Variants in LARGE1 observed in about 807,000 individuals in gnomAD.
The protein encoded by LARGE1 is xylosyl- and glucuronyltransferase LARGE1.
LARGE1 carries 43 observed loss-of-function variants against 87.6 expected under a neutral mutation model. The observed-to-expected ratio is 0.49, with a 90% CI of 0.38 to 0.63. The LOEUF (loss-of-function observed/expected upper bound fraction) is 0.63, where lower values mean the gene tolerates loss of function less well. Ranked by LOEUF, LARGE1 falls within the 30% of genes least tolerant of loss-of-function variation. The pLI is 0.00. For missense variants in LARGE1, 802 were observed against 1,000.2 expected, an observed-to-expected ratio of 0.80 and a Z score of 2.67; for synonymous variants, 434 against 394.6, an observed-to-expected ratio of 1.10 and a Z score of -1.18.
intron 7 of LARGE1, among the ~76,000 whole-genome samples, chr22:33,427,672 C>T (rs147770034): frequency 1.3e-5 from 2 of 152,344 alleles, no homozygotes; most frequent in East Asian, 3.9e-4. Context: ...AAGAGTTATT[C>T]AGTTGGGCTA....
intron 7 of LARGE1, among the ~76,000 whole-genome samples, chr22:33,389,198 C>T (rs1354383313): frequency 1.3e-5 from 2 of 152,362 alleles, no homozygotes; most frequent in East Asian, 1.9e-4. Context: ...GTTTCAATAG[C>T]AGGCTTAGGC....
intron 11 of LARGE1, among the ~76,000 whole-genome samples, chr22:33,186,021 T>C (rs190816081): frequency 9.5e-4 from 145 of 152,240 alleles, no homozygotes; most frequent in African/African-American, 3.0e-3. Context: ...ATTCAAGAAC[T>C]CAACTTTAAA....
At chr22:33,153,203 A>T in the LARGE1 span, among the ~76,000 whole-genome samples, 1 of 151,772 alleles carries the variant, frequency 6.6e-6, no homozygotes, top group Non-Finnish European at 1.5e-5. Flanking sequence ...TTTTATTTAA[A>T]TTTTTTTAGG....
chr22:33,115,850 G>A, the LARGE1 span, among the ~76,000 whole-genome samples: 1 of 149,312 alleles, frequency 6.7e-6, no homozygotes, highest in African/African-American at 2.5e-5. Flanking sequence ...TACCAGGGAT[G>A]CACCTATAGA....
intron 2 of LARGE1, among the ~76,000 whole-genome samples, chr22:33,697,118 T>C (rs1227271808): frequency 6.6e-6 from 1 of 152,134 alleles, no homozygotes; most frequent in Non-Finnish European, 1.5e-5. Context: ...AGGTAGAGGA[T>C]GCCCTTGGGC....
downstream of LARGE1, among the ~76,000 whole-genome samples, chr22:33,272,051 C>T (rs56757768): frequency 0.21 from 31,201 of 152,118 alleles, 3,714 homozygotes; most frequent in African/African-American, 0.32. Context: ...TCACCAGCTA[C>T]GCCCATAAAA....
chr22:33,804,633 T>G (rs866611978), intron 1 of LARGE1, among the ~76,000 whole-genome samples: 1 of 152,214 alleles, frequency 6.6e-6, no homozygotes, highest in Non-Finnish European at 1.5e-5. Flanking sequence ...TTTGGGTACC[T>G]TGAACAACCT....
At chr22:33,165,426 T>G (rs1285528407) in exon 12 of LARGE1, 1 of 152,132 alleles carries the variant, frequency 6.6e-6, no homozygotes, top group East Asian at 1.9e-4. Flanking sequence ...TATTAGGAGA[T>G]CTCCCATAGG....
At chr22:33,701,922 G>A (rs12159462) in intron 2 of LARGE1, among the ~76,000 whole-genome samples, 68 of 152,254 alleles carry the variant, frequency 4.5e-4, no homozygotes, top group African/African-American at 1.6e-3. Flanking sequence ...TTTGAGTGTC[G>A]GCCTCTTGTG....
intron 1 of LARGE1, among the ~76,000 whole-genome samples, chr22:33,864,185 G>A (rs1179595792): frequency 4.6e-5 from 7 of 152,172 alleles, no homozygotes; most frequent in African/African-American, 1.2e-4. Flanking sequence ...GACCACTGAT[G>A]ACCATTAAGG....
At chr22:33,089,404 T>C in the LARGE1 span, among the ~76,000 whole-genome samples, 1 of 130,376 alleles carries the variant, frequency 7.7e-6, no homozygotes, top group Middle Eastern at 3.5e-3. Flanking sequence ...TTCTTCTTTC[T>C]TCTTCTTCTA....
At chr22:33,621,825 G>A (rs1052721014) in intron 4 of LARGE1, among the ~76,000 whole-genome samples, 2 of 152,182 alleles carry the variant, frequency 1.3e-5, no homozygotes, top group Non-Finnish European at 2.9e-5. Flanking sequence ...GTGGTCAGTA[G>A]TCATTAAAAT....
intron 7 of LARGE1, among the ~76,000 whole-genome samples, chr22:33,395,984 T>C (rs898882869): frequency 3.9e-5 from 6 of 152,192 alleles, no homozygotes; most frequent in African/African-American, 1.4e-4. Flanking sequence ...TCTAATAGGA[T>C]ATTGCTTGTC....
intron 1 of LARGE1, chr22:33,856,645 T>G (rs1444904182): frequency 6.6e-6 from 1 of 152,228 alleles, no homozygotes; most frequent in African/African-American, 2.4e-5. Flanking sequence ...CGAGGTAGCT[T>G]ACTTCAGCAC....
chr22:33,445,533 G>C (rs1401493856), intron 6 of LARGE1, among the ~76,000 whole-genome samples: 1 of 151,968 alleles, frequency 6.6e-6, no homozygotes, highest in East Asian at 1.9e-4. Context: ...GAGTAAAGTG[G>C]TATCTCAGAA....
intron 1 of LARGE1, among the ~76,000 whole-genome samples, chr22:33,795,872 A>ATAGCAT (rs1327445650): frequency 1.3e-5 from 2 of 152,024 alleles, no homozygotes; most frequent in Admixed American, 1.3e-4. Flanking sequence ...GGTGGGAGAG[A>ATAGCAT]TAGCATTAGG....
At chr22:33,633,848 G>A (rs925571735) in intron 3 of LARGE1, among the ~76,000 whole-genome samples, 56 of 152,338 alleles carry the variant, frequency 3.7e-4, no homozygotes, top group Admixed American at 2.5e-3. Flanking sequence ...GCGAACAGCC[G>A]GGGTCAGACA....
chr22:33,630,273 A>T (rs1351879235), intron 3 of LARGE1, among the ~76,000 whole-genome samples: 1 of 152,204 alleles, frequency 6.6e-6, no homozygotes, highest in Non-Finnish European at 1.5e-5. Flanking sequence ...TCTGAATGTC[A>T]GAATCAGTGA....
chr22:33,167,961 G>A (rs536599087), intron 11 of LARGE1, among the ~76,000 whole-genome samples: 1 of 152,154 alleles, frequency 6.6e-6, no homozygotes, highest in African/African-American at 2.4e-5. Context: ...CCACCCTCCT[G>A]CAAATATTTG....
Sources: gnomAD v4.1 joint callset for allele counts (sites outside exome capture counted in the v4.1 genomes callset) on GRCh38, gnomAD v4.1.1 for gene constraint, MANE v1.5 for transcripts, NCBI Gene and HGNC (gene_info 2026-07-23, HGNC 2026-07-21) for gene names.